The following CTNND2 variants were observed in gnomAD, a reference collection of about 807,000 sequenced individuals.
The protein encoded by CTNND2 is catenin delta-2.
CTNND2 carries 22 observed loss-of-function variants against 144.4 expected under a neutral mutation model. That is an observed-to-expected ratio of 0.15 (90% confidence interval 0.11 to 0.22). CTNND2 has a LOEUF of 0.22. Ranked by LOEUF, CTNND2 falls within the 10% of genes least tolerant of loss-of-function variation. CTNND2 has a pLI of 1.00. For missense variants in CTNND2, 1,353 were observed against 1,618.8 expected (o/e 0.84, Z 2.82); for synonymous variants, 751 against 695.6 (o/e 1.08, Z -1.25).
chr5:11,633,474 A>G lies in CTNND2; in HGVS notation c.175-68418T>C, dbSNP rs535729177. ...TTCAGCAATATTAGTTGATTTAAAT[A>G]TCCCATTTAAAATATTAGATAGGCC... is the stretch of plus-strand genomic sequence containing the variant. On this transcript the variant is annotated intron_variant, in intron 2 of 21. Coordinates refer to ENST00000304623, the MANE Select transcript of CTNND2 (RefSeq NM_001332.4). Among the ~76,000 whole-genome samples the G allele has an allele frequency of 1.4e-4, 22 of 152,332 alleles. No individual in the cohort carries two copies. The South Asian group carries it at 4.3e-3, about 30-fold the overall frequency.
chr5:11,622,844 T>G (rs1324448854), intron 2 of CTNND2, among the ~76,000 whole-genome samples: 1 of 152,164 alleles, frequency 6.6e-6, no homozygotes, highest in Non-Finnish European at 1.5e-5. Flanking sequence ...CTAATATCAT[T>G]CACATTAATT....
chr5:11,748,185 A>AAAAGAAAAAAT (rs6148910), intron 1 of CTNND2, among the ~76,000 whole-genome samples: 1 of 151,986 alleles, frequency 6.6e-6, no homozygotes, highest in Admixed American at 6.6e-5. Flanking sequence ...TGCTGACCTT[A>AAAAGAAAAAAT]AGAAAACAAA....
intron 3 of CTNND2, among the ~76,000 whole-genome samples, chr5:11,555,709 T>TAAA (rs56958940): frequency 3.3e-5 from 5 of 150,314 alleles, no homozygotes; most frequent in African/African-American, 4.9e-5. Context: ...AGAATTAAAA[T>TAAA]AAAAAAAAAC....
chr5:11,444,613 A>AATTG (rs1764641810), intron 3 of CTNND2, among the ~76,000 whole-genome samples: 1 of 152,156 alleles, frequency 6.6e-6, no homozygotes, highest in East Asian at 1.9e-4. Flanking sequence ...GAAGCACAAG[A>AATTG]ATTGCTTGAA....
chr5:11,557,412 T>C (rs1336161560), intron 3 of CTNND2, among the ~76,000 whole-genome samples: 1 of 152,194 alleles, frequency 6.6e-6, no homozygotes, highest in Non-Finnish European at 1.5e-5. Flanking sequence ...ATTCAATTCT[T>C]TGGGCCATCA....
At chr5:11,795,919 T>C (rs1486212823) in intron 1 of CTNND2, among the ~76,000 whole-genome samples, 1 of 152,206 alleles carries the variant, frequency 6.6e-6, no homozygotes, top group Non-Finnish European at 1.5e-5. Flanking sequence ...ATCAAGCCAT[T>C]AGCAGGTCTG....
intron 1 of CTNND2, among the ~76,000 whole-genome samples, chr5:11,879,376 A>AACAT (rs1346794117): frequency 1.2e-5 from 1 of 80,510 alleles, no homozygotes; most frequent in Non-Finnish European, 2.9e-5. Flanking sequence ...CACACACACA[A>AACAT]ACATATACAT....
At chr5:11,225,826 G>A (rs1026498633) in intron 10 of CTNND2, among the ~76,000 whole-genome samples, 4 of 152,136 alleles carry the variant, frequency 2.6e-5, no homozygotes, top group Admixed American at 6.5e-5. Flanking sequence ...ACCTACAAAC[G>A]TGACCTTGTT....
At chr5:11,864,150 G>C (rs953123494) in intron 1 of CTNND2, among the ~76,000 whole-genome samples, 10 of 151,946 alleles carry the variant, frequency 6.6e-5, no homozygotes, top group Non-Finnish European at 1.5e-4. Context: ...TCCCCACAAC[G>C]AAAGGCAGGC....
chr5:11,228,377 A>C (rs1345258761), intron 10 of CTNND2, among the ~76,000 whole-genome samples: 1 of 150,470 alleles, frequency 6.6e-6, no homozygotes, highest in African/African-American at 2.4e-5. Context: ...AAAAAAAAAA[A>C]AACAAAGAAT....
intron 15 of CTNND2, among the ~76,000 whole-genome samples, chr5:11,089,289 T>TCTCAATCATGGAACCCTAG (rs1750511655): frequency 6.6e-6 from 1 of 152,186 alleles, no homozygotes; most frequent in Admixed American, 6.5e-5. Flanking sequence ...TAAAATAAAC[T>TCTCAATCATGGAACCCTAG]CTCAATCATG....
At chr5:11,397,991 T>A (rs1479287367) in intron 5 of CTNND2, among the ~76,000 whole-genome samples, 2 of 152,236 alleles carry the variant, frequency 1.3e-5, no homozygotes, top group Non-Finnish European at 2.9e-5. Context: ...CAAATTTTCT[T>A]TGATCAAATT....
intron 2 of CTNND2, among the ~76,000 whole-genome samples, chr5:11,637,271 T>C (rs570927300): frequency 5.3e-5 from 8 of 152,234 alleles, no homozygotes; most frequent in African/African-American, 1.7e-4. Context: ...CAATGAACCG[T>C]TTGGACAAAA....
At chr5:11,521,956 T>G (rs879944083) in intron 3 of CTNND2, among the ~76,000 whole-genome samples, 1 of 152,204 alleles carries the variant, frequency 6.6e-6, no homozygotes, top group Non-Finnish European at 1.5e-5. Context: ...TTGAAGATCA[T>G]TGCTGCAACC....
intron 2 of CTNND2, among the ~76,000 whole-genome samples, chr5:11,575,686 G>A (rs1261028703): frequency 1.3e-5 from 2 of 152,014 alleles, no homozygotes; most frequent in African/African-American, 4.8e-5. Context: ...TACTCGACTT[G>A]ACCTGGTAAC....
At chr5:11,470,027 T>C (rs1182350912) in intron 3 of CTNND2, among the ~76,000 whole-genome samples, 1 of 152,182 alleles carries the variant, frequency 6.6e-6, no homozygotes, top group East Asian at 1.9e-4. Flanking sequence ...TTGAAATATG[T>C]TCTAAATTGC....
chr5:11,479,832 C>G (rs1768081600), intron 3 of CTNND2, among the ~76,000 whole-genome samples: 1 of 151,892 alleles, frequency 6.6e-6, no homozygotes, highest in Non-Finnish European at 1.5e-5. Flanking sequence ...CCTTTGCCCA[C>G]TTTTTAATGT....
intron 3 of CTNND2, among the ~76,000 whole-genome samples, chr5:11,447,142 G>A (rs1764892022): frequency 6.6e-6 from 1 of 152,132 alleles, no homozygotes; most frequent in South Asian, 2.1e-4. Flanking sequence ...CCAGGAATTT[G>A]AGACCAGCCT....
chr5:11,088,901 C>T (rs1489179662), intron 15 of CTNND2, among the ~76,000 whole-genome samples: 1 of 152,088 alleles, frequency 6.6e-6, no homozygotes, highest in Non-Finnish European at 1.5e-5. Flanking sequence ...TTATTGATTG[C>T]TGGTAGGGGA....
Sources: allele counts gnomAD v4.1 joint callset (sites outside exome capture counted in the v4.1 genomes callset), GRCh38; gene constraint gnomAD v4.1.1; transcripts MANE v1.5; gene names NCBI Gene and HGNC (gene_info 2026-07-23, HGNC 2026-07-21).